EIF4H: variants seen among roughly 807,000 people sequenced by gnomAD.
EIF4H encodes eukaryotic translation initiation factor 4H.
In EIF4H, 8 loss-of-function variants were observed where a neutral mutation model predicts 30.6. That is an observed-to-expected ratio of 0.26 (90% CI 0.15 to 0.47). The LOEUF (loss-of-function observed/expected upper bound fraction) is 0.47. Ranked by LOEUF, EIF4H falls within the 20% of genes least tolerant of loss-of-function variation. The pLI is 0.99. For synonymous variants in EIF4H, 106 were observed against 122.7 expected, an observed-to-expected ratio of 0.86 and a Z score of 0.90; for missense variants, 188 against 339.5, an observed-to-expected ratio of 0.55 and a Z score of 3.51.
In EIF4H at chr7:74,189,803, A is replaced by AT; in HGVS notation, c.313-15dup. ...TGTTTTCTTTGCCAATACTTACACT[A>AT]TTTTCCCTTTATCATTAGCTGTTGG... On this transcript the variant is annotated intron_variant, in intron 3 of 6. Transcript: ENST00000265753. 1.2e-6 allele frequency: 2 copies of AT among 1,614,050 alleles called. No individual in the cohort carries two copies. The highest frequency in any genetic ancestry group is 1.7e-6 in the Non-Finnish European group (2 of 1,179,998).
At chr7:74,182,710 A>G (rs1800989321) in intron 1 of EIF4H, among the ~76,000 whole-genome samples, 1 of 152,188 alleles carries the variant, frequency 6.6e-6, no homozygotes, top group Non-Finnish European at 1.5e-5. Context: ...AGCCTTGAGC[A>G]CTCAACTTTC....
intron 5 of EIF4H, among the ~76,000 whole-genome samples, chr7:74,194,337 C>T (rs1237605327): frequency 6.6e-6 from 1 of 152,196 alleles, no homozygotes; most frequent in Non-Finnish European, 1.5e-5. Context: ...GTAAATACTT[C>T]TAAATTTCAG....
rs535116105 is a variant in EIF4H, at chr7:74,180,386, G to A, written c.59+5944G>A. Reference sequence around the variant, plus strand: ...TGTGTATGCAGCAGAAGTGCTTTGCGTGTTTCATAACATAGGGTACTAAAA... The same window carrying A: ...TGTGTATGCAGCAGAAGTGCTTTGCATGTTTCATAACATAGGGTACTAAAA... On this transcript the variant is annotated intron_variant, in intron 1 of 6. Coordinates refer to ENST00000265753, the MANE Select transcript of EIF4H (RefSeq NM_022170.2). Among the ~76,000 whole-genome samples the A allele has an allele frequency of 5.3e-5, 8 of 152,294 alleles. No individual in the cohort carries two copies. The South Asian group carries it at 1.0e-3, about 20-fold the overall frequency.
intron 6 of EIF4H, 117 bp from the exon 7 acceptor site, chr7:74,195,052 C>G (rs1801312697): frequency 2.6e-6 from 4 of 1,531,896 alleles, no homozygotes; most frequent in Non-Finnish European, 2.6e-6. Flanking sequence ...GTTGGGGTAG[C>G]AGGCCAGGTG....
chr7:74,187,519 G>T, intron 1 of EIF4H, 92 bp from the exon 2 acceptor site: 3 of 1,291,914 alleles, frequency 2.3e-6, no homozygotes, highest in Non-Finnish European at 3.1e-6. Flanking sequence ...CTCACCTGGG[G>T]CGCTGGCGGC....
chr7:74,176,987 G>C (rs1800856602), intron 1 of EIF4H, among the ~76,000 whole-genome samples: 1 of 152,210 alleles, frequency 6.6e-6, no homozygotes, highest in African/African-American at 2.4e-5. Context: ...GTGCTTAGTG[G>C]AAAACCACCG....
rs1801116779 is a variant in EIF4H at position 74,187,626 on chromosome 7, T to C, written c.75T>C (p.Ala25=). 6.2e-7 allele frequency: 1 copy of C among 1,607,588 alleles called. No homozygotes were observed. Among genetic ancestry groups the C allele is most frequent in the South Asian group, 1.1e-5 (1 of 90,504 alleles). The stretch of plus-strand genomic sequence containing the variant: ...CCCCTCCTAGGTCCCGCGGCAGTGC[T>C]GGTGGCCATGGTTCCCGTAGCCAGA... The part of the protein sequence containing the change: ...FGGGRGSRGS[A]GGHGSRSQKE... The change falls in exon 2 of 7, where the codon GCT becomes GCC. Residue 25 remains alanine, a synonymous_variant. Transcript: ENST00000265753.
At chr7:74,188,734 G>A (rs1554709503) in intron 2 of EIF4H, among the ~76,000 whole-genome samples, 1 of 152,186 alleles carries the variant, frequency 6.6e-6, no homozygotes, top group Non-Finnish European at 1.5e-5. Flanking sequence ...TGCAGGCTTT[G>A]GAGTTTGGCT....
At chr7:74,194,184 G>T (rs994929630) in intron 5 of EIF4H, among the ~76,000 whole-genome samples, 1 of 152,174 alleles carries the variant, frequency 6.6e-6, no homozygotes, top group Non-Finnish European at 1.5e-5. Flanking sequence ...GGCCAATTTC[G>T]GATAACTGCT....
chr7:74,190,352 T>A (rs1554709752), intron 5 of EIF4H, 46 bp downstream of exon 5: 13 of 1,583,672 alleles, frequency 8.2e-6, no homozygotes, highest in Non-Finnish European at 1.0e-5. Flanking sequence ...CTAGGAGCCT[T>A]GCTGCTGTTC....
At chr7:74,182,011 G>A (rs1800973415) in intron 1 of EIF4H, among the ~76,000 whole-genome samples, 1 of 152,090 alleles carries the variant, frequency 6.6e-6, no homozygotes, top group African/African-American at 2.4e-5. Flanking sequence ...CACCACACCC[G>A]GCCTCTTACA....
Position 74,179,827 on chromosome 7 carries a change from T to C in EIF4H, c.59+5385T>C, listed in dbSNP as rs150664966. Among the ~76,000 whole-genome samples, 207 of 152,310 alleles carry C rather than the reference T, an allele frequency of 1.4e-3. 3 individuals are homozygous for C. In the East Asian group the frequency reaches 0.032, roughly 23 times the overall value. On this transcript the variant is annotated intron_variant, in intron 1 of 6. Transcript: ENST00000265753. ...TCACCATAGCTGTTAGAAAAGTCTC[T>C]GAGTATTGAAAGACTGTCAGGCTTA... is the stretch of plus-strand genomic sequence containing the variant.
In EIF4H at chr7:74,187,621, A is replaced by G; in HGVS notation, c.70A>G (p.Ser24Gly). 6.2e-7 allele frequency: 1 copy of G among 1,603,558 alleles called. No individual in the cohort carries two copies. Among genetic ancestry groups the G allele is most frequent in the Non-Finnish European group, 8.5e-7 (1 of 1,173,186 alleles). ...SFGGGRGSRG[S>G]AGGHGSRSQK... ...TGTCTCCCCTCCTAGGTCCCGCGGC[A>G]GTGCTGGTGGCCATGGTTCCCGTAG... The change falls in exon 2 of 7, where the codon AGT (serine) becomes GGT (glycine). Residue 24 changes from serine (S) to glycine (G), a missense_variant. Ser to Gly is a moderately conservative substitution (Grantham distance 56, BLOSUM62 0). This residue lies in a region of EIF4H where 43 missense variants were observed against 43.4 expected (regional missense o/e 0.99). Coordinates refer to ENST00000265753, the MANE Select transcript of EIF4H (RefSeq NM_022170.2).
At chr7:74,180,918 T>A (rs1217417797) in intron 1 of EIF4H, among the ~76,000 whole-genome samples, 3 of 152,210 alleles carry the variant, frequency 2.0e-5, no homozygotes, top group African/African-American at 4.8e-5. Flanking sequence ...ATTGTTTTTT[T>A]AATAGAGACA....
At chr7:74,185,347 A>G (rs1427108036) in intron 1 of EIF4H, among the ~76,000 whole-genome samples, 4 of 152,198 alleles carry the variant, frequency 2.6e-5, no homozygotes, top group Non-Finnish European at 5.9e-5. Flanking sequence ...CTTACTGAAA[A>G]TATTTTAGGA....
At chr7:74,182,728 T>C (rs1281754314) in intron 1 of EIF4H, among the ~76,000 whole-genome samples, 1 of 152,200 alleles carries the variant, frequency 6.6e-6, no homozygotes, top group African/African-American at 2.4e-5. Flanking sequence ...TTCTGTTGCA[T>C]CTACTTACTG....
chr7:74,190,389 GC>G, intron 5 of EIF4H, 83 bp downstream of exon 5: 2 of 1,363,342 alleles, frequency 1.5e-6, no homozygotes, highest in Non-Finnish European at 2.1e-6. Flanking sequence ...AGCCCGCCTG[GC>G]CGGACTACTT....
At chr7:74,192,026 G>T (rs1301005058) in intron 5 of EIF4H, among the ~76,000 whole-genome samples, 2 of 152,050 alleles carry the variant, frequency 1.3e-5, no homozygotes, top group African/African-American at 2.4e-5. Flanking sequence ...TGATCCACCT[G>T]CCTCGGCCTC....
chr7:74,184,318 C>T (rs1357155548), intron 1 of EIF4H, among the ~76,000 whole-genome samples: 3 of 152,166 alleles, frequency 2.0e-5, no homozygotes, highest in African/African-American at 7.2e-5. Context: ...TTCCTCTACT[C>T]TGTAAGTTCG....
Sources: allele counts gnomAD v4.1 joint callset (sites outside exome capture counted in the v4.1 genomes callset), GRCh38; gene constraint gnomAD v4.1.1; regional missense constraint gnomAD v4.1.1; transcripts MANE v1.5; gene names NCBI Gene and HGNC (gene_info 2026-07-23, HGNC 2026-07-21).